The following PARD3 variants were observed in gnomAD, a reference collection of about 807,000 sequenced individuals.
PARD3 encodes partitioning defective 3 homolog.
PARD3 carries 75 observed loss-of-function variants against 155.4 expected under a neutral mutation model. The observed-to-expected ratio is 0.48, with a 90% CI of 0.40 to 0.58. PARD3 has a LOEUF of 0.58. Among genes scored for constraint, PARD3 ranks in the 20% least tolerant of loss-of-function variants. The pLI is 0.00. For missense variants in PARD3, 1,642 were observed against 1,721.7 expected, an observed-to-expected ratio of 0.95 and a Z score of 0.82; for synonymous variants, 576 against 610.5, an observed-to-expected ratio of 0.94 and a Z score of 0.83.
intron 22 of PARD3, among the ~76,000 whole-genome samples, chr10:34,188,045 A>G (rs537272422): frequency 1.3e-5 from 2 of 152,338 alleles, no homozygotes; most frequent in Admixed American, 6.5e-5. Flanking sequence ...AGGTAGCTCA[A>G]TTGAAATGTT....
intron 2 of PARD3, among the ~76,000 whole-genome samples, chr10:34,665,685 G>A (rs564594852): frequency 1.3e-5 from 2 of 151,220 alleles, no homozygotes; most frequent in East Asian, 2.0e-4. Flanking sequence ...TAAAAATACA[G>A]AAATTAGCCT....
chr10:34,177,931 C>T (rs1284797703), intron 22 of PARD3, among the ~76,000 whole-genome samples: 1 of 152,108 alleles, frequency 6.6e-6, no homozygotes, highest in Non-Finnish European at 1.5e-5. Context: ...AACTGCTTCT[C>T]GCTTTATAAA....
At chr10:34,571,291 G>C (rs767421972) in intron 2 of PARD3, among the ~76,000 whole-genome samples, 2 of 152,112 alleles carry the variant, frequency 1.3e-5, no homozygotes, top group Non-Finnish European at 2.9e-5. Flanking sequence ...TCCAGCCTAG[G>C]TGACAGAGGA....
chr10:34,129,678 TTTTTTTTGTAATGTCAAGCCTC>T (rs1269062890), intron 23 of PARD3, among the ~76,000 whole-genome samples: 6 of 131,548 alleles, frequency 4.6e-5, no homozygotes, highest in Admixed American at 7.5e-5. Context: ...AAATGTTCCT[TTTTTTTTGTAATGTCAAGCCTC>T]TTTTTTTTTT....
chr10:34,390,891 C>A (rs1177968661), intron 7 of PARD3, among the ~76,000 whole-genome samples: 2 of 152,266 alleles, frequency 1.3e-5, no homozygotes, highest in African/African-American at 4.8e-5. Flanking sequence ...TAAAACTGAG[C>A]ATCATCTTTC....
At chr10:34,645,739 G>A (rs2092817797) in intron 2 of PARD3, among the ~76,000 whole-genome samples, 1 of 152,154 alleles carries the variant, frequency 6.6e-6, no homozygotes, top group African/African-American at 2.4e-5. Context: ...TGTTCTCACT[G>A]GGATATTAAG....
intron 2 of PARD3, among the ~76,000 whole-genome samples, chr10:34,628,018 C>T (rs1200545455): frequency 6.6e-6 from 1 of 152,116 alleles, no homozygotes; most frequent in African/African-American, 2.4e-5. Context: ...GCTGAGTTTA[C>T]ACGTTGTGCC....
At chr10:34,118,763 C>G (rs1946821917) in intron 24 of PARD3, among the ~76,000 whole-genome samples, 1 of 152,202 alleles carries the variant, frequency 6.6e-6, no homozygotes, top group Non-Finnish European at 1.5e-5. Context: ...TACCTGATAT[C>G]AACATGGCAA....
chr10:34,175,037 G>A (rs1019733296), intron 22 of PARD3, among the ~76,000 whole-genome samples: 8 of 151,718 alleles, frequency 5.3e-5, no homozygotes, highest in South Asian at 2.1e-4. Flanking sequence ...GGAGTTCCTC[G>A]TATCTAGAAT....
intron 2 of PARD3, among the ~76,000 whole-genome samples, chr10:34,694,307 G>C (rs1478187962): frequency 6.6e-6 from 1 of 152,056 alleles, no homozygotes; most frequent in African/African-American, 2.4e-5. Context: ...GTTGCCTTGA[G>C]TGTTGGAATT....
At chr10:34,346,594 G>T in intron 15 of PARD3, 1 of 1,012,504 alleles carries the variant, frequency 9.9e-7, no homozygotes, top group Middle Eastern at 3.3e-4. Flanking sequence ...CCAAAGCCAA[G>T]AAAGTACAGA....
At chr10:34,402,941 G>A (rs1334552244) in intron 5 of PARD3, among the ~76,000 whole-genome samples, 1 of 152,070 alleles carries the variant, frequency 6.6e-6, no homozygotes, top group African/African-American at 2.4e-5. Context: ...GTTAAAAGTT[G>A]GCTTTTCAAA....
chr10:34,148,073 T>C (rs1426669392), intron 22 of PARD3, among the ~76,000 whole-genome samples: 1 of 151,888 alleles, frequency 6.6e-6, no homozygotes, highest in Non-Finnish European at 1.5e-5. Flanking sequence ...GGACTAATGA[T>C]GTGTTTGGAA....
intron 22 of PARD3, among the ~76,000 whole-genome samples, chr10:34,177,444 G>A (rs955486354): frequency 2.6e-5 from 4 of 152,076 alleles, no homozygotes; most frequent in Non-Finnish European, 4.4e-5. Context: ...CCCCAAATCA[G>A]TTTGACAAGT....
At chr10:34,681,759 T>TAGATATATAG (rs2093839290) in intron 2 of PARD3, among the ~76,000 whole-genome samples, 1 of 22,048 alleles carries the variant, frequency 4.5e-5, no homozygotes, top group Non-Finnish European at 7.8e-5. Flanking sequence ...TATATATATA[T>TAGATATATAG]ATATATATAT....
chr10:34,227,857 TA>T lies in PARD3; in HGVS notation c.3419+41799del, dbSNP rs1330333298. Among the ~76,000 whole-genome samples the T allele has an allele frequency of 3.3e-3, 134 of 40,144 alleles. 2 individuals are homozygous for T. Among genetic ancestry groups the T allele is most frequent in the East Asian group, 0.033 (18 of 540 alleles). 26.3% of individuals were successfully genotyped at this position (40,144 alleles called of 152,430 possible). A position where few individuals can be genotyped will look rare whatever the true frequency, so the allele number is the denominator to read the frequency against. On this transcript the variant is annotated intron_variant, in intron 22 of 24. Transcript: ENST00000374788. Reference sequence around the variant, plus strand: ...ATTCCCAGTAATGGGAATTATTTTTTATATATATATATATATATATATATAT... The same window carrying T: ...ATTCCCAGTAATGGGAATTATTTTTTTATATATATATATATATATATATAT...
At chr10:34,562,872 A>G (rs2085615933) in intron 2 of PARD3, among the ~76,000 whole-genome samples, 1 of 152,034 alleles carries the variant, frequency 6.6e-6, no homozygotes, top group Admixed American at 6.6e-5. Context: ...CGTGGCCTCA[A>G]ACCATATTCC....
At chr10:34,684,866 T>TAC (rs1267593715) in intron 2 of PARD3, among the ~76,000 whole-genome samples, 69 of 103,638 alleles carry the variant, frequency 6.7e-4, no homozygotes, top group African/African-American at 2.3e-3. Flanking sequence ...CATGTATATA[T>TAC]ATACACACAC....
chr10:34,811,331 C>T (rs1402708258), intron 1 of PARD3, among the ~76,000 whole-genome samples: 3 of 152,200 alleles, frequency 2.0e-5, no homozygotes, highest in Non-Finnish European at 2.9e-5. Context: ...TTTGTCCATA[C>T]TGCCTTCCTG....
Sources: gnomAD v4.1 joint callset for allele counts (sites outside exome capture counted in the v4.1 genomes callset) on GRCh38, gnomAD v4.1.1 for gene constraint, MANE v1.5 for transcripts, NCBI Gene and HGNC (gene_info 2026-07-23, HGNC 2026-07-21) for gene names.